NFIB: variants seen among roughly 807,000 people sequenced by gnomAD.
The protein encoded by NFIB is nuclear factor I B.
A neutral mutation model predicts 61.5 loss-of-function variants in NFIB; 11 were observed. The ratio of observed to expected loss-of-function variants is 0.18; its 90% confidence interval spans 0.11 to 0.30. NFIB has a LOEUF of 0.30. Ranked by LOEUF, NFIB falls within the 10% of genes least tolerant of loss-of-function variation. The pLI, the probability that NFIB is intolerant of heterozygous loss-of-function variation, is 1.00. For missense variants in NFIB, 471 were observed against 608.9 expected (o/e 0.77, Z 2.38); for synonymous variants, 260 against 216.5 (o/e 1.20, Z -1.76).
At chr9:14,524,507 C>G in the NFIB span, among the ~76,000 whole-genome samples, 1 of 152,208 alleles carries the variant, frequency 6.6e-6, no homozygotes, top group African/African-American at 2.4e-5. Flanking sequence ...GATTAAGAGT[C>G]TTTTGTGGTA....
chr9:14,473,484 C>G, the NFIB span, among the ~76,000 whole-genome samples: 3 of 152,186 alleles, frequency 2.0e-5, no homozygotes, highest in Non-Finnish European at 2.9e-5. Flanking sequence ...TTCACAGATT[C>G]AACAGGCCTA....
chr9:14,442,566 G>GA, the NFIB span, among the ~76,000 whole-genome samples: 1 of 152,102 alleles, frequency 6.6e-6, no homozygotes, highest in East Asian at 1.9e-4. Context: ...GGCTGGGAGG[G>GA]AAAATCTGTC....
At chr9:14,525,854 T>A in the NFIB span, among the ~76,000 whole-genome samples, 1 of 152,122 alleles carries the variant, frequency 6.6e-6, no homozygotes, top group Non-Finnish European at 1.5e-5. Context: ...ACCGTGTTAT[T>A]TGTGTGTATT....
the NFIB span, among the ~76,000 whole-genome samples, chr9:14,417,434 G>A: frequency 6.6e-6 from 1 of 152,128 alleles, no homozygotes; most frequent in Non-Finnish European, 1.5e-5. Flanking sequence ...GCCTAATGAT[G>A]CATTTCTCAG....
intron 2 of NFIB, among the ~76,000 whole-genome samples, chr9:14,302,051 C>G (rs1413697175): frequency 1.3e-5 from 2 of 152,194 alleles, no homozygotes; most frequent in South Asian, 2.1e-4. Context: ...CTCTTATGTT[C>G]CCAGAGCATT....
At chr9:14,349,696 A>G (rs575659303) in intron 1 of NFIB, among the ~76,000 whole-genome samples, 1 of 152,274 alleles carries the variant, frequency 6.6e-6, no homozygotes, top group African/African-American at 2.4e-5. Flanking sequence ...ACGGAGAAGG[A>G]GGGAAGTTAG....
chr9:14,502,258 C>T, the NFIB span, among the ~76,000 whole-genome samples: 1 of 152,184 alleles, frequency 6.6e-6, no homozygotes, highest in East Asian at 1.9e-4. Context: ...TACACATAGC[C>T]TCACATATGT....
the NFIB span, among the ~76,000 whole-genome samples, chr9:14,449,833 C>A: frequency 1.3e-5 from 2 of 152,018 alleles, no homozygotes; most frequent in African/African-American, 4.8e-5. Context: ...ACTCCGGAGG[C>A]TGAGGCATGA....
At chr9:14,133,104 T>G (rs1025850431) in intron 6 of NFIB, among the ~76,000 whole-genome samples, 1 of 152,212 alleles carries the variant, frequency 6.6e-6, no homozygotes, top group Non-Finnish European at 1.5e-5. Flanking sequence ...TTGACAAGTT[T>G]TATCAAGTTG....
chr9:14,289,880 T>C (rs1473192813), intron 2 of NFIB, among the ~76,000 whole-genome samples: 1 of 151,954 alleles, frequency 6.6e-6, no homozygotes, highest in Non-Finnish European at 1.5e-5. Context: ...AGGAAAAAAA[T>C]AAACACATCA....
chr9:14,197,089 G>A (rs1293659392), intron 2 of NFIB, among the ~76,000 whole-genome samples: 2 of 152,106 alleles, frequency 1.3e-5, no homozygotes, highest in African/African-American at 2.4e-5. Context: ...AGCTATTTTC[G>A]AGGCATTTTC....
At chr9:14,360,622 G>A (rs1388300624) in intron 1 of NFIB, among the ~76,000 whole-genome samples, 8 of 150,402 alleles carry the variant, frequency 5.3e-5, no homozygotes, top group Admixed American at 4.6e-4. Flanking sequence ...TCGGCTCACT[G>A]CAAGCTCCGC....
intron 2 of NFIB, among the ~76,000 whole-genome samples, chr9:14,181,124 T>C (rs1044571456): frequency 3.9e-5 from 6 of 152,212 alleles, no homozygotes; most frequent in Non-Finnish European, 8.8e-5. Context: ...TGCAAGAACA[T>C]CCTGTTAGTT....
rs1394296030 is a variant in NFIB at position 14,239,530 on chromosome 9, A to G, written c.563-59750T>C. On this transcript the variant is annotated intron_variant, in intron 2 of 10. Coordinates refer to ENST00000380953, the MANE Select transcript of NFIB (RefSeq NM_001190737.2). ...GATCTAATACTACAAGTCACTTATT[A>G]TCTATGAAGGAAAACAGAAAGAGAA... Among the ~76,000 whole-genome samples the G allele has an allele frequency of 2.0e-5, 3 of 152,310 alleles. No individual in the cohort carries two copies. In the East Asian group the frequency reaches 5.8e-4, roughly 29 times the overall value.
chr9:14,223,003 C>T (rs1426406246), intron 2 of NFIB, among the ~76,000 whole-genome samples: 2 of 151,992 alleles, frequency 1.3e-5, no homozygotes, highest in Non-Finnish European at 2.9e-5. Context: ...CTGGGCCACA[C>T]TAGAAGAAGA....
intron 2 of NFIB, among the ~76,000 whole-genome samples, chr9:14,264,747 T>C (rs1449739267): frequency 6.6e-6 from 1 of 151,982 alleles, no homozygotes; most frequent in Non-Finnish European, 1.5e-5. Flanking sequence ...GTCTGGAAAA[T>C]ATCATTTTTA....
chr9:14,312,861 C>A (rs1009023367), intron 1 of NFIB, among the ~76,000 whole-genome samples: 2 of 152,172 alleles, frequency 1.3e-5, no homozygotes, highest in African/African-American at 4.8e-5. Context: ...GTAAATACTG[C>A]CTTTGTGGTG....
intron 1 of NFIB, among the ~76,000 whole-genome samples, chr9:14,365,305 G>A (rs1355899766): frequency 6.6e-6 from 1 of 152,148 alleles, no homozygotes; most frequent in East Asian, 1.9e-4. Context: ...CAGTCCAATG[G>A]TCGTTTTCAG....
At chr9:14,422,515 C>T in the NFIB span, among the ~76,000 whole-genome samples, 4 of 152,224 alleles carry the variant, frequency 2.6e-5, no homozygotes, top group South Asian at 4.1e-4. Context: ...TTCAATTGCA[C>T]GTGATAAGCA....
Sources: allele counts gnomAD v4.1 joint callset (sites outside exome capture counted in the v4.1 genomes callset), GRCh38; gene constraint gnomAD v4.1.1; transcripts MANE v1.5; gene names NCBI Gene and HGNC (gene_info 2026-07-23, HGNC 2026-07-21).